Variants in MEGF11 observed in about 807,000 individuals in gnomAD.
MEGF11 encodes multiple EGF like domains 11.
Under a neutral mutation model 146.6 loss-of-function variants are expected in MEGF11, and 126 were observed. The ratio of observed to expected loss-of-function variants is 0.86; its 90% CI spans 0.74 to 1.00. The LOEUF is 1.00. MEGF11 is among the 50% of genes least tolerant of loss of function. MEGF11 has a pLI of 0.00. For synonymous variants in MEGF11, 532 were observed against 583.4 expected (o/e 0.91, Z 1.27); for missense variants, 1,509 against 1,521.2 (o/e 0.99, Z 0.13).
At position 66,087,542 on chromosome 15, in the gene MEGF11, C is replaced by T. The variant is rs147995982; in HGVS notation, c.394+6860G>A. On this transcript the variant is annotated intron_variant, in intron 5 of 25. Coordinates refer to ENST00000395614, the MANE Select transcript of MEGF11 (RefSeq NM_001385028.1). ...AGGAACCTTCAAAACCATGTAAATACATGGACATTAAATAACCTGCTCCTG... is the reference window on the plus strand; with the variant it reads ...AGGAACCTTCAAAACCATGTAAATATATGGACATTAAATAACCTGCTCCTG... 5.0e-3 allele frequency among the ~76,000 whole-genome samples: 754 copies of T among 152,296 alleles called. 6 individuals are homozygous for T. Among genetic ancestry groups the T allele is most frequent in the African/African-American group, 0.017 (727 of 41,560 alleles).
intron 5 of MEGF11, among the ~76,000 whole-genome samples, chr15:66,074,773 GTATCA>G (rs1468031538): frequency 1.3e-5 from 2 of 152,168 alleles, no homozygotes; most frequent in South Asian, 2.1e-4. Flanking sequence ...TCTCTCATCA[GTATCA>G]TATGAGAGTA....
rs1353495350 is a variant in MEGF11 at position 65,982,969 on chromosome 15, T to C, written c.395-481A>G. Among the ~76,000 whole-genome samples, 2 of 151,996 alleles carry C rather than the reference T, an allele frequency of 1.3e-5. No individual in the cohort carries two copies. The highest frequency in any genetic ancestry group is 2.4e-5 in the African/African-American group (1 of 41,392). Reference sequence around the variant, plus strand: ...GGGACCCAGCCCATTCCAGCTCCCATTTCTCTATCTTTCCTGCCCGCTTCT... The same window carrying C: ...GGGACCCAGCCCATTCCAGCTCCCACTTCTCTATCTTTCCTGCCCGCTTCT... On this transcript the variant is annotated intron_variant, in intron 5 of 25. Coordinates refer to ENST00000395614, the MANE Select transcript of MEGF11 (RefSeq NM_001385028.1). The surrounding 1 kb of genome is among the most constrained non-coding windows in gnomAD (Gnocchi z 5.6).
intron 5 of MEGF11, among the ~76,000 whole-genome samples, chr15:66,053,288 A>T (rs1329809409): frequency 6.6e-6 from 1 of 152,180 alleles, no homozygotes; most frequent in African/African-American, 2.4e-5. Flanking sequence ...TATGCGAAGG[A>T]GTACTAACAT....
chr15:66,184,042 A>G (rs2090627105), intron 1 of MEGF11, among the ~76,000 whole-genome samples: 1 of 152,172 alleles, frequency 6.6e-6, no homozygotes, highest in African/African-American at 2.4e-5. Context: ...AATATATAAA[A>G]ATGAAAGGCA....
At chr15:65,898,214 A>G in intron 25 of MEGF11, 120 bp from the exon 26 acceptor site, 1 of 1,460,408 alleles carries the variant, frequency 6.8e-7, no homozygotes, top group Non-Finnish European at 9.0e-7. Context: ...ATCTATGGCA[A>G]ATACATGAGG....
intron 1 of MEGF11, among the ~76,000 whole-genome samples, chr15:66,188,670 A>G (rs1374798914): frequency 6.6e-6 from 1 of 152,178 alleles, no homozygotes; most frequent in Non-Finnish European, 1.5e-5. Context: ...ACCTGAACCC[A>G]GTATGCAGAC....
intron 15 of MEGF11, among the ~76,000 whole-genome samples, chr15:65,919,389 G>A (rs183656109): frequency 6.7e-4 from 102 of 152,294 alleles, no homozygotes; most frequent in African/African-American, 2.4e-3. Context: ...CACTGCAAGT[G>A]AATATTGCAA....
At chr15:65,997,092 G>A (rs1279997132) in intron 5 of MEGF11, among the ~76,000 whole-genome samples, 1 of 152,236 alleles carries the variant, frequency 6.6e-6, no homozygotes, top group Non-Finnish European at 1.5e-5. Context: ...AGGCAGGGGA[G>A]GGACTTTGAG....
intron 1 of MEGF11, among the ~76,000 whole-genome samples, chr15:66,252,796 A>G (rs1485460932): frequency 1.3e-5 from 2 of 152,122 alleles, no homozygotes; most frequent in African/African-American, 2.4e-5. Context: ...ACCACCACCC[A>G]TTTCCCCACC....
At chr15:66,088,590 G>T (rs2086204276) in intron 5 of MEGF11, among the ~76,000 whole-genome samples, 1 of 152,016 alleles carries the variant, frequency 6.6e-6, no homozygotes. Flanking sequence ...GGGAGGCGGA[G>T]GGTGCAGTGA....
At chr15:65,966,814 C>G (rs899845697) in intron 8 of MEGF11, among the ~76,000 whole-genome samples, 1 of 151,956 alleles carries the variant, frequency 6.6e-6, no homozygotes. Flanking sequence ...TGTGACCCCC[C>G]ACTGCTGACC....
At chr15:66,233,729 A>G (rs1302061232) in intron 1 of MEGF11, among the ~76,000 whole-genome samples, 2 of 152,082 alleles carry the variant, frequency 1.3e-5, no homozygotes, top group Non-Finnish European at 2.9e-5. Flanking sequence ...TGACCCAGTG[A>G]ATCTTCCTTA....
chr15:66,058,359 T>C (rs2084765072), intron 5 of MEGF11, among the ~76,000 whole-genome samples: 1 of 152,218 alleles, frequency 6.6e-6, no homozygotes, highest in Non-Finnish European at 1.5e-5. Context: ...AATGCGGCAC[T>C]AACACACTTC....
intron 5 of MEGF11, among the ~76,000 whole-genome samples, chr15:65,997,205 C>A (rs932832988): frequency 6.6e-6 from 1 of 152,170 alleles, no homozygotes; most frequent in Admixed American, 6.5e-5. Flanking sequence ...GAGTGAGTGA[C>A]AAATGGTATT....
chr15:65,969,425 G>C (rs904302611), intron 8 of MEGF11, among the ~76,000 whole-genome samples: 1 of 152,262 alleles, frequency 6.6e-6, no homozygotes. Context: ...GGTCAGGGAG[G>C]GATGGATCCC....
At chr15:66,201,961 A>C (rs970521770) in intron 1 of MEGF11, among the ~76,000 whole-genome samples, 5 of 147,758 alleles carry the variant, frequency 3.4e-5, no homozygotes, top group Admixed American at 6.7e-5. Flanking sequence ...AAAAAAAAAA[A>C]AAAAAAAAAA....
chr15:66,013,463 G>A (rs2082776090), intron 5 of MEGF11, among the ~76,000 whole-genome samples: 2 of 152,212 alleles, frequency 1.3e-5, no homozygotes, highest in South Asian at 4.2e-4. Flanking sequence ...GATACAGAAG[G>A]AGCCCCCATT....
chr15:66,136,253 G>GGAA (rs2088881525), intron 1 of MEGF11, among the ~76,000 whole-genome samples: 2 of 152,250 alleles, frequency 1.3e-5, no homozygotes, highest in African/African-American at 4.8e-5. Context: ...GCGGAGATCA[G>GGAA]TATTGCTGTC....
At chr15:65,973,184 A>G (rs1361276292) in intron 7 of MEGF11, among the ~76,000 whole-genome samples, 1 of 152,144 alleles carries the variant, frequency 6.6e-6, no homozygotes, top group Admixed American at 6.5e-5. Flanking sequence ...AGGGACTGCA[A>G]CAGAAGACAG....
Sources: allele counts gnomAD v4.1 joint callset (sites outside exome capture counted in the v4.1 genomes callset), GRCh38; gene constraint gnomAD v4.1.1; non-coding constraint Gnocchi (gnomAD v3.1); transcripts MANE v1.5; gene names NCBI Gene and HGNC (gene_info 2026-07-23, HGNC 2026-07-21).